CELF2: variants seen among roughly 807,000 people sequenced by gnomAD.
CELF2 encodes CUGBP Elav-like family member 2.
A neutral mutation model predicts 62.6 loss-of-function variants in CELF2; 8 were observed. The ratio of observed to expected loss-of-function variants is 0.13; its 90% CI spans 0.07 to 0.23. The LOEUF is 0.23. Among genes scored for constraint, CELF2 ranks in the 10% least tolerant of loss-of-function variants. The pLI is 1.00. For missense variants in CELF2, 333 were observed against 671.0 expected (o/e 0.50, Z 5.56); for synonymous variants, 258 against 250.0 (o/e 1.03, Z -0.30).
chr10:10,538,909 C>T, the CELF2 span, among the ~76,000 whole-genome samples: 1 of 152,216 alleles, frequency 6.6e-6, no homozygotes, highest in East Asian at 1.9e-4. Context: ...GAGTGTCATC[C>T]TTTGTTTAAT....
the CELF2 span, among the ~76,000 whole-genome samples, chr10:10,633,803 T>C: frequency 5.3e-5 from 8 of 151,972 alleles, no homozygotes; most frequent in Non-Finnish European, 1.2e-4. Flanking sequence ...ATATATTTTT[T>C]GTGATAATTA....
At chr10:10,623,765 A>G in the CELF2 span, among the ~76,000 whole-genome samples, 3 of 152,316 alleles carry the variant, frequency 2.0e-5, no homozygotes, top group South Asian at 2.1e-4. Context: ...GGTGCCATTT[A>G]CTGTTCTAAG....
chr10:10,639,082 G>T, the CELF2 span, among the ~76,000 whole-genome samples: 3 of 152,180 alleles, frequency 2.0e-5, no homozygotes. Flanking sequence ...ACCCAGAAGA[G>T]AGCTTTTAAT....
chr10:10,869,516 C>A (rs900909897), intron 1 of CELF2, among the ~76,000 whole-genome samples: 1 of 151,952 alleles, frequency 6.6e-6, no homozygotes, highest in East Asian at 1.9e-4. Flanking sequence ...GAACCAAGAT[C>A]ACCACCCCAC....
At position 11,314,887 on chromosome 10, in the gene CELF2, A is replaced by C; in HGVS notation, c.1096+629A>C. The C allele has an allele frequency of 5.8e-6, 1 of 173,214 alleles. No individual in the cohort carries two copies. The highest frequency in any genetic ancestry group is 5.7e-5 in the Admixed American group (1 of 17,558). The allele number at this position is 173,214 out of a possible 1,614,324, so 10.7% of individuals were successfully genotyped here. A position where few individuals can be genotyped will look rare whatever the true frequency, so the allele number is the denominator to read the frequency against. ...ATCAGAATCTTTATTAAGCACCCACAGGTATGGGTCACTCTACATCAGTGA... is the reference window on the plus strand; with the variant it reads ...ATCAGAATCTTTATTAAGCACCCACCGGTATGGGTCACTCTACATCAGTGA... On this transcript the variant is annotated intron_variant, in intron 10 of 12. Transcript: ENST00000633077. The surrounding 1 kb of genome is among the most constrained non-coding windows in gnomAD (Gnocchi z 5.3).
the CELF2 span, among the ~76,000 whole-genome samples, chr10:10,667,093 C>A: frequency 6.6e-6 from 1 of 152,074 alleles, no homozygotes; most frequent in African/African-American, 2.4e-5. Flanking sequence ...CCGGGCAATC[C>A]AAAAGGTTCC....
the CELF2 span, among the ~76,000 whole-genome samples, chr10:10,500,868 A>T: frequency 2.0e-5 from 3 of 152,196 alleles, no homozygotes; most frequent in African/African-American, 7.2e-5. Flanking sequence ...TCATTTTTAG[A>T]GTCTTTTATA....
chr10:10,636,164 T>C, the CELF2 span, among the ~76,000 whole-genome samples: 1 of 152,202 alleles, frequency 6.6e-6, no homozygotes, highest in Non-Finnish European at 1.5e-5. Context: ...ATCAATAATA[T>C]ATACACAAGA....
chr10:10,566,765 G>A, the CELF2 span, among the ~76,000 whole-genome samples: 3 of 152,074 alleles, frequency 2.0e-5, no homozygotes, highest in Non-Finnish European at 4.4e-5. Flanking sequence ...ATTCTATGCT[G>A]AGTCCAAAAG....
At chr10:10,797,835 C>A (rs1372305900), upstream of CELF2, among the ~76,000 whole-genome samples, 2 of 152,158 alleles carry the variant, frequency 1.3e-5, no homozygotes, top group Non-Finnish European at 2.9e-5. Flanking sequence ...CCCGAAGAAC[C>A]CATACGGGGC....
the CELF2 span, among the ~76,000 whole-genome samples, chr10:10,650,677 G>A: frequency 6.6e-6 from 1 of 152,184 alleles, no homozygotes; most frequent in African/African-American, 2.4e-5. Flanking sequence ...CAGAAAATAA[G>A]AAATGTGTGC....
At chr10:10,909,259 T>C (rs986839034) in intron 1 of CELF2, among the ~76,000 whole-genome samples, 24 of 152,312 alleles carry the variant, frequency 1.6e-4, no homozygotes, top group African/African-American at 5.3e-4. Context: ...AATCTGTTCC[T>C]CACTTCAGGG....
the CELF2 span, among the ~76,000 whole-genome samples, chr10:10,671,165 CAAA>C: frequency 1.6e-4 from 10 of 62,808 alleles, no homozygotes; most frequent in Admixed American, 2.1e-4. Context: ...GATCCTGTCT[CAAA>C]AAAAAAAAAA....
chr10:11,185,706 G>A (rs181749661), intron 2 of CELF2, among the ~76,000 whole-genome samples: 14 of 152,312 alleles, frequency 9.2e-5, no homozygotes, highest in Middle Eastern at 3.4e-3. Flanking sequence ...GAGCCACCAT[G>A]CCTGGCTGGT....
chr10:11,284,717 A>G (rs1483581930), intron 8 of CELF2, among the ~76,000 whole-genome samples: 1 of 136,230 alleles, frequency 7.3e-6, no homozygotes, highest in Non-Finnish European at 1.6e-5. Context: ...TGGATGGGTG[A>G]GAGGATAATG....
At chr10:10,992,608 G>A (rs1286646261) in intron 2 of CELF2, among the ~76,000 whole-genome samples, 1 of 152,196 alleles carries the variant, frequency 6.6e-6, no homozygotes, top group African/African-American at 2.4e-5. Context: ...TTCAAGGTTT[G>A]GATGAAGTAC....
chr10:11,282,693 A>G (rs1221647700), intron 8 of CELF2, among the ~76,000 whole-genome samples: 3 of 152,194 alleles, frequency 2.0e-5, no homozygotes, highest in African/African-American at 7.2e-5. Flanking sequence ...CGCACTTTAC[A>G]CTTGAAAACC....
chr10:11,011,797 T>C lies in CELF2; in HGVS notation c.53+6357T>C, dbSNP rs949684068. ...CTAATGGACTTCATGGGAATTAGCA[T>C]CAAAAGCAAAGTTAAATAAAAAGTC... On this transcript the variant is annotated intron_variant, in intron 1 of 12. Transcript: ENST00000416382. This position sits in a 1 kb window ranked among gnomAD's most constrained non-coding sequence, Gnocchi z 4.6. 6.6e-6 allele frequency among the ~76,000 whole-genome samples: 1 copy of C among 152,156 alleles called. No individual in the cohort carries two copies. The highest frequency in any genetic ancestry group is 2.4e-5 in the African/African-American group (1 of 41,440).
At chr10:11,005,021 GT>G (rs911852633), upstream of CELF2, 5 of 981,898 alleles carry the variant, frequency 5.1e-6, no homozygotes, top group Non-Finnish European at 6.0e-6. The surrounding 1 kb of genome is among the most constrained non-coding windows in gnomAD (Gnocchi z 4.3). Flanking sequence ...CTTGGTTGTT[GT>G]TTTTTTTGTT....
Sources: gnomAD v4.1 joint callset for allele counts (sites outside exome capture counted in the v4.1 genomes callset) on GRCh38, gnomAD v4.1.1 for gene constraint, Gnocchi (gnomAD v3.1) non-coding constraint, MANE v1.5 for transcripts, NCBI Gene and HGNC (gene_info 2026-07-23, HGNC 2026-07-21) for gene names.